HACE1: variants seen among roughly 807,000 people sequenced by gnomAD.
The protein encoded by HACE1 is HECT domain and ankyrin repeat containing E3 ubiquitin protein ligase 1, also known as E3 ubiquitin-protein ligase HACE1.
Under a neutral mutation model 118.4 loss-of-function variants are expected in HACE1, and 73 were observed. That is an observed-to-expected ratio of 0.62 (90% CI 0.51 to 0.75). The LOEUF (loss-of-function observed/expected upper bound fraction) is 0.75, where lower values mean the gene tolerates loss of function less well. Ranked by LOEUF, HACE1 falls within the 30% of genes least tolerant of loss-of-function variation. The pLI is 0.00. For missense variants in HACE1, 749 were observed against 1,102.2 expected (o/e 0.68, Z 4.54); for synonymous variants, 368 against 374.8 (o/e 0.98, Z 0.21).
chr6:104,776,496 A>C (rs994554230), intron 17 of HACE1, among the ~76,000 whole-genome samples: 1 of 152,244 alleles, frequency 6.6e-6, no homozygotes, highest in Non-Finnish European at 1.5e-5. Context: ...CCTTGAGACA[A>C]GCATTTGGGA....
intron 19 of HACE1, among the ~76,000 whole-genome samples, chr6:104,755,109 G>C (rs1778445807): frequency 2.6e-5 from 4 of 151,954 alleles, no homozygotes; most frequent in Middle Eastern, 6.8e-3. Context: ...CAAGCAAATG[G>C]AAAACAGAAA....
chr6:104,814,332 T>C (rs1562432947), intron 6 of HACE1, among the ~76,000 whole-genome samples: 1 of 137,790 alleles, frequency 7.3e-6, no homozygotes, highest in Non-Finnish European at 1.6e-5. Context: ...ACAGAAATCA[T>C]GTGGGCATTA....
At chr6:104,839,406 A>G (rs1294205649) in intron 5 of HACE1, among the ~76,000 whole-genome samples, 1 of 152,218 alleles carries the variant, frequency 6.6e-6, no homozygotes. Context: ...GTGACAAACA[A>G]AAAAAGCCAA....
At chr6:104,764,636 A>G (rs1779773655) in intron 19 of HACE1, among the ~76,000 whole-genome samples, 1 of 152,136 alleles carries the variant, frequency 6.6e-6, no homozygotes, top group Non-Finnish European at 1.5e-5. Context: ...TGTTATCTTC[A>G]TCATCACTAT....
At chr6:104,800,416 T>C (rs1313425470) in intron 7 of HACE1, among the ~76,000 whole-genome samples, 2 of 152,146 alleles carry the variant, frequency 1.3e-5, no homozygotes, top group Non-Finnish European at 2.9e-5. Flanking sequence ...CCTCCTCAAG[T>C]GGGTCCCTGA....
intron 7 of HACE1, among the ~76,000 whole-genome samples, chr6:104,801,879 G>T (rs1460624350): frequency 6.6e-6 from 1 of 151,930 alleles, no homozygotes; most frequent in South Asian, 2.1e-4. Flanking sequence ...AATGTAAATG[G>T]GCTAAATGCC....
At chr6:104,851,228 C>T (rs568249147) in intron 2 of HACE1, among the ~76,000 whole-genome samples, 20 of 152,256 alleles carry the variant, frequency 1.3e-4, no homozygotes, top group South Asian at 6.2e-4. Flanking sequence ...GGACTACAGG[C>T]GCATGCCACT....
chr6:104,784,842 T>A, intron 12 of HACE1, 143 bp downstream of exon 12: 2 of 654,620 alleles, frequency 3.1e-6, no homozygotes, highest in Non-Finnish European at 5.3e-6. Context: ...CCCTACTAGA[T>A]CTAGATTAGT....
intron 5 of HACE1, among the ~76,000 whole-genome samples, chr6:104,834,492 T>C (rs945273573): frequency 6.6e-6 from 1 of 152,234 alleles, no homozygotes; most frequent in African/African-American, 2.4e-5. Context: ...ATTTTTCACA[T>C]GATTTTTTTT....
chr6:104,826,203 ATG>A (rs779223914), intron 6 of HACE1, among the ~76,000 whole-genome samples: 1 of 152,204 alleles, frequency 6.6e-6, no homozygotes, highest in Admixed American at 6.5e-5. Flanking sequence ...CTTGTCTTCC[ATG>A]AAACTGGGCC....
intron 7 of HACE1, among the ~76,000 whole-genome samples, chr6:104,800,221 T>C (rs1770161319): frequency 2.6e-5 from 4 of 152,176 alleles, no homozygotes; most frequent in East Asian, 1.9e-4. Flanking sequence ...AAGCTCAAAC[T>C]AGGCGGAGCC....
Position 104,729,508 on chromosome 6 carries a change from G to A in HACE1, c.*154C>T, listed in dbSNP as rs938914536. 6.1e-6 allele frequency: 4 copies of A among 653,956 alleles called. No individual in the cohort carries two copies. Among genetic ancestry groups the A allele is most frequent in the Non-Finnish European group, 1.1e-5 (4 of 361,904 alleles). The allele number at this position is 653,956 out of a possible 1,614,324, so 40.5% of individuals were successfully genotyped here. Reference sequence around the variant, plus strand: ...AACAGAGAAAACATAAAAGGGAAAAGAGAGAAACAGAAAACCTGATGATCC... The same window carrying A: ...AACAGAGAAAACATAAAAGGGAAAAAAGAGAAACAGAAAACCTGATGATCC... On this transcript the variant is annotated 3_prime_UTR_variant, in exon 24 of 24. Coordinates refer to ENST00000262903, the MANE Select transcript of HACE1 (RefSeq NM_020771.4).
intron 23 of HACE1, 116 bp from the exon 24 acceptor site, chr6:104,729,880 A>G (rs1024401780): frequency 3.8e-5 from 26 of 692,276 alleles, no homozygotes; most frequent in South Asian, 3.7e-4. Context: ...CCAAATTTGC[A>G]TTCAGATTGA....
At chr6:104,784,698 T>C (rs1415502564) in intron 12 of HACE1, among the ~76,000 whole-genome samples, 2 of 152,168 alleles carry the variant, frequency 1.3e-5, no homozygotes, top group Admixed American at 6.5e-5. Flanking sequence ...TATCAACAAG[T>C]GACTTTTTAA....
At chr6:104,850,173 C>T (rs1055001948) in intron 3 of HACE1, among the ~76,000 whole-genome samples, 2 of 152,088 alleles carry the variant, frequency 1.3e-5, no homozygotes, top group African/African-American at 4.8e-5. Flanking sequence ...TGGTCTCGAA[C>T]TCCTGACCTC....
In HACE1 at chr6:104,859,690, G is replaced by A. The variant is rs1298270523; in HGVS notation, c.-48C>T. The A allele has an allele frequency of 7.4e-6, 11 of 1,490,488 alleles. No homozygotes were observed. The Admixed American group carries it at 1.2e-4, about 16-fold the overall frequency. 92.3% of individuals were successfully genotyped at this position (1,490,488 alleles called of 1,614,324 possible). ...CTCCGCGATCAGCCGCCCCACCGGC[G>A]GCCTCCGCGCCCAGAGCCCTACATC... is the stretch of plus-strand genomic sequence containing the variant. On this transcript the variant is annotated 5_prime_UTR_variant, in exon 1 of 24. Coordinates refer to ENST00000262903, the MANE Select transcript of HACE1 (RefSeq NM_020771.4).
In HACE1 at chr6:104,732,965, A is replaced by G. The variant is rs17065281; in HGVS notation, c.2514-2549T>C. On this transcript the variant is annotated intron_variant, in intron 22 of 23. Transcript: ENST00000262903. The stretch of plus-strand genomic sequence containing the variant: ...AGACACTAATGCATAAACAATTCCT[A>G]TTAACAGCAAGAGAATATATACAGA... Among the ~76,000 whole-genome samples, 1,002 of 152,320 alleles carry G rather than the reference A, an allele frequency of 6.6e-3. 10 individuals are homozygous for G. The highest frequency in any genetic ancestry group is 0.023 in the African/African-American group (956 of 41,576).
intron 14 of HACE1, 90 bp from the exon 15 acceptor site, chr6:104,777,407 A>C: frequency 1.3e-6 from 1 of 799,456 alleles, no homozygotes; most frequent in African/African-American, 1.7e-5. Flanking sequence ...CTTTTCTACA[A>C]ATAATCATTC....
intron 4 of HACE1, among the ~76,000 whole-genome samples, chr6:104,843,823 T>A (rs1207596938): frequency 1.3e-5 from 2 of 152,082 alleles, no homozygotes; most frequent in East Asian, 1.9e-4. Flanking sequence ...CTTTTTTTTT[T>A]AAGTTATTTG....
Sources: allele counts gnomAD v4.1 joint callset (sites outside exome capture counted in the v4.1 genomes callset), GRCh38; gene constraint gnomAD v4.1.1; transcripts MANE v1.5; gene names NCBI Gene and HGNC (gene_info 2026-07-23, HGNC 2026-07-21).